DNAH3: variants seen among roughly 807,000 people sequenced by gnomAD.
DNAH3 encodes the protein axonemal beta dynein heavy chain 3.
Under a neutral mutation model 432.5 loss-of-function variants are expected in DNAH3, and 332 were observed. That is an observed-to-expected ratio of 0.77 (90% CI 0.70 to 0.84). The LOEUF is 0.84. DNAH3 is among the 40% of genes least tolerant of loss of function. The pLI is 0.00. For missense variants in DNAH3, 4,861 were observed against 5,114.0 expected (o/e 0.95, Z 1.51); for synonymous variants, 1,956 against 1,900.2 (o/e 1.03, Z -0.76).
intron 32 of DNAH3, among the ~76,000 whole-genome samples, chr16:21,040,843 G>GT (rs2089411132): frequency 6.6e-6 from 1 of 152,182 alleles, no homozygotes; most frequent in Non-Finnish European, 1.5e-5. Context: ...GTGGCACATA[G>GT]TAAGTGTTCA....
chr16:21,134,293 T>C (rs778612544), exon 7 of DNAH3: 4 of 1,613,770 alleles, frequency 2.5e-6, no homozygotes, highest in South Asian at 2.2e-5. Flanking sequence ...CTGAGCATCA[T>C]GGGGTTCACC....
intron 54 of DNAH3, among the ~76,000 whole-genome samples, chr16:20,958,070 G>A (rs1433079270): frequency 6.7e-6 from 1 of 148,520 alleles, no homozygotes; most frequent in Non-Finnish European, 1.5e-5. Flanking sequence ...GAAAACAGTA[G>A]AATTTTTTTT....
rs112254751 is a variant in DNAH3, at chr16:20,969,994, T to C, written c.8260-4A>G. ...CTAGGTCCCCCTCACATTCGTTCTGTGGGCGGCATGAGGACAAAGGAGATG... is the reference window on the plus strand; with the variant it reads ...CTAGGTCCCCCTCACATTCGTTCTGCGGGCGGCATGAGGACAAAGGAGATG... On this transcript the variant is annotated splice_polypyrimidine_tract_variant and splice_region_variant and intron_variant, in intron 51 of 61. Coordinates refer to ENST00000261383, the Ensembl canonical transcript of DNAH3. The C allele has an allele frequency of 8.1e-4, 1,309 of 1,613,554 alleles. 15 individuals carry two copies. The African/African-American group carries it at 0.015, about 19-fold the overall frequency.
chr16:21,106,674 GC>G lies in DNAH3; in HGVS notation c.2100-1del. ...CGATGTGGCTGTACTGATTACAAAT[GC>G]TACAGAAAAGAAACAGCCATTGTTA... On this transcript the variant is annotated splice_acceptor_variant, in intron 14 of 61. Transcript: ENST00000261383. LOFTEE classifies it high-confidence loss of function. The G allele has an allele frequency of 6.8e-7, 1 of 1,478,978 alleles. No individual in the cohort carries two copies. The allele number at this position is 1,478,978 out of a possible 1,614,324, so 91.6% of individuals were successfully genotyped here.
intron 6 of DNAH3, among the ~76,000 whole-genome samples, chr16:21,135,574 T>C (rs1015336640): frequency 1.3e-5 from 2 of 152,116 alleles, no homozygotes; most frequent in Non-Finnish European, 2.9e-5. Context: ...GTGCCTGTAG[T>C]CCCAGCTACT....
chr16:21,153,188 G>C (rs765652147), intron 1 of DNAH3, among the ~76,000 whole-genome samples: 2 of 152,148 alleles, frequency 1.3e-5, no homozygotes, highest in Non-Finnish European at 2.9e-5. Flanking sequence ...AGCTGCTCTG[G>C]TGGGACCTTG....
At chr16:21,027,600 G>A (rs1041948293) in intron 37 of DNAH3, among the ~76,000 whole-genome samples, 12 of 152,220 alleles carry the variant, frequency 7.9e-5, no homozygotes, top group Non-Finnish European at 1.3e-4. Flanking sequence ...AGCACTTTGG[G>A]AGGCCGAGGC....
chr16:21,121,852 A>G, intron 10 of DNAH3, 93 bp downstream of exon 11: 1 of 1,087,560 alleles, frequency 9.2e-7, no homozygotes. Flanking sequence ...TTAACTGAAT[A>G]TCCCAGCGAC....
At chr16:20,974,579 GTTTT>G (rs752437227) in intron 51 of DNAH3, among the ~76,000 whole-genome samples, 6 of 81,832 alleles carry the variant, frequency 7.3e-5, no homozygotes, top group Non-Finnish European at 1.1e-4. Context: ...GTTTTATAGT[GTTTT>G]TTTTTTTTTT....
At chr16:21,081,451 T>C (rs944523250) in intron 20 of DNAH3, among the ~76,000 whole-genome samples, 185 bp downstream of exon 20, 14 of 151,678 alleles carry the variant, frequency 9.2e-5, no homozygotes, top group Non-Finnish European at 1.9e-4. Context: ...TCAGCAGCTC[T>C]GCAGCTAAAA....
intron 41 of DNAH3, among the ~76,000 whole-genome samples, chr16:21,016,346 A>G (rs965183921): frequency 3.3e-5 from 5 of 152,226 alleles, no homozygotes; most frequent in African/African-American, 7.2e-5. Flanking sequence ...AAACCTGGAG[A>G]CACATACATG....
intron 24 of DNAH3, chr16:21,063,000 T>G: frequency 3.8e-6 from 1 of 265,236 alleles, no homozygotes; most frequent in Non-Finnish European, 7.2e-6. Context: ...GAGATGGTTT[T>G]GACTCTGAGA....
At chr16:21,022,628 A>G (rs1008872386) in intron 39 of DNAH3, among the ~76,000 whole-genome samples, 4 of 152,030 alleles carry the variant, frequency 2.6e-5, no homozygotes, top group Admixed American at 1.3e-4. Context: ...TCTTGCCTCT[A>G]GTGTCTGTTC....
chr16:21,002,149 G>A (rs1266506876), intron 42 of DNAH3, among the ~76,000 whole-genome samples: 1 of 151,956 alleles, frequency 6.6e-6, no homozygotes, highest in Non-Finnish European at 1.5e-5. Flanking sequence ...GTCAATATCT[G>A]TACTTTCTCC....
chr16:21,151,447 C>G (rs1465584239), intron 1 of DNAH3, among the ~76,000 whole-genome samples: 1 of 151,738 alleles, frequency 6.6e-6, no homozygotes, highest in Non-Finnish European at 1.5e-5. Flanking sequence ...CAGCCTCCCA[C>G]CAGTGCGCCC....
intron 51 of DNAH3, among the ~76,000 whole-genome samples, chr16:20,972,257 A>G (rs2085376596): frequency 6.7e-6 from 1 of 149,116 alleles, no homozygotes; most frequent in African/African-American, 2.5e-5. Context: ...TTTTTGAGAT[A>G]AGATCTTACT....
chr16:20,956,494 AT>A (rs2084570949), intron 54 of DNAH3, among the ~76,000 whole-genome samples: 1 of 152,222 alleles, frequency 6.6e-6, no homozygotes, highest in African/African-American at 2.4e-5. Context: ...CTCTTCACTC[AT>A]TTATGTTACA....
chr16:21,150,183 C>T (rs1000602108), intron 1 of DNAH3, 107 bp downstream of exon 2: 39 of 407,562 alleles, frequency 9.6e-5, no homozygotes, highest in African/African-American at 7.0e-4. Flanking sequence ...CGAGATCACA[C>T]CATTGCACTC....
At chr16:21,153,581 A>G (rs939566981) in intron 1 of DNAH3, among the ~76,000 whole-genome samples, 25 of 152,180 alleles carry the variant, frequency 1.6e-4, no homozygotes, top group African/African-American at 4.8e-4. Flanking sequence ...ACAACGTGGA[A>G]GGTTTGTTCT....
Sources: allele counts gnomAD v4.1 joint callset (sites outside exome capture counted in the v4.1 genomes callset), GRCh38; gene constraint gnomAD v4.1.1; transcripts MANE v1.5; gene names NCBI Gene and HGNC (gene_info 2026-07-23, HGNC 2026-07-21).